Variants in CCDC171 observed in about 807,000 individuals in gnomAD.
CCDC171 encodes coiled-coil domain containing 171, also known as coiled-coil domain-containing protein 171.
Under a neutral mutation model 168.2 loss-of-function variants are expected in CCDC171, and 177 were observed. The observed-to-expected ratio is 1.05, with a 90% CI of 0.93 to 1.19. The LOEUF is 1.19. Ranked by LOEUF, CCDC171 falls within the 50% of genes most tolerant of loss-of-function variation. CCDC171 has a pLI of 0.00. For synonymous variants in CCDC171, 687 were observed against 540.8 expected, an observed-to-expected ratio of 1.27 and a Z score of -3.75; for missense variants, 1,991 against 1,539.0, an observed-to-expected ratio of 1.29 and a Z score of -4.91.
chr9:15,896,114 T>G (rs1035475883), intron 24 of CCDC171, among the ~76,000 whole-genome samples: 1 of 152,108 alleles, frequency 6.6e-6, no homozygotes, highest in Non-Finnish European at 1.5e-5. Context: ...TACAGTAATC[T>G]TTAGCATAAT....
intron 7 of CCDC171, among the ~76,000 whole-genome samples, chr9:15,642,961 T>C (rs1350622467): frequency 6.6e-6 from 1 of 152,196 alleles, no homozygotes; most frequent in Non-Finnish European, 1.5e-5. Flanking sequence ...AATATATGAC[T>C]ATCATTTTGA....
intron 24 of CCDC171, among the ~76,000 whole-genome samples, chr9:15,905,316 A>G (rs1019301764): frequency 1.3e-5 from 2 of 152,226 alleles, no homozygotes; most frequent in Non-Finnish European, 2.9e-5. Flanking sequence ...AATTATAACA[A>G]ACTTTCTCTC....
the CCDC171 span, among the ~76,000 whole-genome samples, chr9:16,070,413 A>T: frequency 6.6e-6 from 1 of 152,230 alleles, no homozygotes; most frequent in Non-Finnish European, 1.5e-5. Flanking sequence ...GGGGACATCC[A>T]GCCAGGGAGG....
At chr9:16,078,590 A>G in the CCDC171 span, among the ~76,000 whole-genome samples, 2 of 152,216 alleles carry the variant, frequency 1.3e-5, no homozygotes, top group Admixed American at 6.5e-5. Flanking sequence ...TCAATCTTCA[A>G]TACTTAGCAC....
rs185971742 is a variant in CCDC171, at chr9:15,871,181, C to A, written c.3469-3351C>A. The stretch of plus-strand genomic sequence containing the variant: ...TATGATATTGCATGATTTTAAAGAA[C>A]GTTATAGAATGTATAACATTTGATA... On this transcript the variant is annotated intron_variant, in intron 23 of 25. Coordinates refer to ENST00000380701, the MANE Select transcript of CCDC171 (RefSeq NM_173550.4). Among the ~76,000 whole-genome samples, 9 of 151,362 alleles carry A rather than the reference C, an allele frequency of 5.9e-5. No homozygotes were observed. The East Asian group carries it at 1.6e-3, about 26-fold the overall frequency.
intron 24 of CCDC171, among the ~76,000 whole-genome samples, chr9:15,910,854 T>C (rs1368269592): frequency 6.6e-6 from 1 of 152,200 alleles, no homozygotes; most frequent in Non-Finnish European, 1.5e-5. Flanking sequence ...GCTTCATCCA[T>C]GTCCCTGCAG....
chr9:15,611,162 C>T (rs2043658338), intron 6 of CCDC171, among the ~76,000 whole-genome samples: 1 of 152,124 alleles, frequency 6.6e-6, no homozygotes, highest in Admixed American at 6.6e-5. Context: ...GTGCCTGCTC[C>T]CCCTTCACCT....
chr9:15,699,777 G>A (rs999105021), intron 11 of CCDC171, among the ~76,000 whole-genome samples: 1 of 152,156 alleles, frequency 6.6e-6, no homozygotes, highest in African/African-American at 2.4e-5. Context: ...TAGACATAAA[G>A]GTTCTCCAAG....
chr9:15,889,428 A>G (rs1819900064), intron 24 of CCDC171, among the ~76,000 whole-genome samples: 1 of 152,158 alleles, frequency 6.6e-6, no homozygotes, highest in Non-Finnish European at 1.5e-5. Context: ...AAGCACATTC[A>G]GTCTGTGGGA....
chr9:15,720,883 C>T (rs2053434592), intron 11 of CCDC171, among the ~76,000 whole-genome samples: 1 of 152,136 alleles, frequency 6.6e-6, no homozygotes, highest in Non-Finnish European at 1.5e-5. Flanking sequence ...TGTTCTCTTT[C>T]CTGTGTCAAG....
chr9:15,810,029 A>G (rs2059269094), intron 21 of CCDC171, among the ~76,000 whole-genome samples: 1 of 152,138 alleles, frequency 6.6e-6, no homozygotes, highest in Non-Finnish European at 1.5e-5. Flanking sequence ...CCAAGTCCCC[A>G]CTAGATGAGC....
chr9:16,058,191 T>G (rs1833873434), intron 1 of CCDC171, among the ~76,000 whole-genome samples: 1 of 152,120 alleles, frequency 6.6e-6, no homozygotes, highest in African/African-American at 2.4e-5. Context: ...CTCCCCTTGC[T>G]CAGAACCACT....
At chr9:15,909,546 G>A (rs116058732) in intron 24 of CCDC171, among the ~76,000 whole-genome samples, 1 of 152,148 alleles carries the variant, frequency 6.6e-6, no homozygotes, top group Non-Finnish European at 1.5e-5. Flanking sequence ...TTGTGGGCAG[G>A]ACCAGAAACC....
intron 9 of CCDC171, among the ~76,000 whole-genome samples, chr9:15,671,411 C>T (rs1371721722): frequency 6.6e-6 from 1 of 151,626 alleles, no homozygotes; most frequent in Non-Finnish European, 1.5e-5. Context: ...AGGTTTGTTA[C>T]ATAGGTATAC....
At chr9:16,081,593 A>G in the CCDC171 span, among the ~76,000 whole-genome samples, 9 of 152,220 alleles carry the variant, frequency 5.9e-5, no homozygotes, top group African/African-American at 1.9e-4. Flanking sequence ...CCAAGCTGGG[A>G]ACATTTCAGA....
chr9:15,806,019 G>A (rs2059059254), intron 21 of CCDC171, among the ~76,000 whole-genome samples: 1 of 151,968 alleles, frequency 6.6e-6, no homozygotes, highest in Non-Finnish European at 1.5e-5. Flanking sequence ...ATCTTTGTTA[G>A]TCTAAAGTCT....
At chr9:15,694,363 C>T (rs537983146) in intron 10 of CCDC171, among the ~76,000 whole-genome samples, 2 of 152,256 alleles carry the variant, frequency 1.3e-5, no homozygotes, top group South Asian at 2.1e-4. Context: ...GTCATTTGTT[C>T]ATTCACATAT....
intron 18 of CCDC171, among the ~76,000 whole-genome samples, chr9:15,770,321 A>G (rs1212717493): frequency 6.6e-6 from 1 of 152,334 alleles, no homozygotes; most frequent in African/African-American, 2.4e-5. Flanking sequence ...TCTATATTTG[A>G]AATGTCCTGT....
the CCDC171 span, among the ~76,000 whole-genome samples, chr9:16,099,883 G>T: frequency 7.2e-5 from 11 of 151,916 alleles, no homozygotes; most frequent in Non-Finnish European, 1.6e-4. Flanking sequence ...AAGAAAGAAT[G>T]ATTATAAAGA....
Sources: allele counts gnomAD v4.1 joint callset (sites outside exome capture counted in the v4.1 genomes callset), GRCh38; gene constraint gnomAD v4.1.1; transcripts MANE v1.5; gene names NCBI Gene and HGNC (gene_info 2026-07-23, HGNC 2026-07-21).